The following SGTA variants were observed in gnomAD, a reference collection of about 807,000 sequenced individuals.
The protein encoded by SGTA is small glutamine-rich tetratricopeptide repeat-containing protein alpha.
In SGTA, 22 loss-of-function variants were observed where a neutral mutation model predicts 44.3. The ratio of observed to expected loss-of-function variants is 0.50; its 90% CI spans 0.36 to 0.71. The LOEUF (loss-of-function observed/expected upper bound fraction) is 0.71, where lower values mean the gene tolerates loss of function less well. Ranked by LOEUF, SGTA falls within the 30% of genes least tolerant of loss-of-function variation. The probability of loss-of-function intolerance (pLI) is 0.00; values close to 1 mark genes in which losing one functional copy is unlikely to be tolerated. For missense variants in SGTA, 341 were observed against 435.9 expected, an observed-to-expected ratio of 0.78 and a Z score of 1.94; for synonymous variants, 174 against 177.6, an observed-to-expected ratio of 0.98 and a Z score of 0.16.
Position 2,761,372 on chromosome 19 carries a change from G to A in SGTA, c.699+88C>T. ...CCAGAAGCCAGCAGTGCCAAGGCAA[G>A]GAAGCCCTGGCCAGTAGCGGACACA... On this transcript the variant is annotated intron_variant, in intron 8 of 11. Transcript: ENST00000221566. This position sits in a 1 kb window ranked among gnomAD's most constrained non-coding sequence, Gnocchi z 5.7. The A allele has an allele frequency of 8.1e-7, 1 of 1,231,174 alleles. No homozygotes were observed. The highest frequency in any genetic ancestry group is 1.2e-6 in the Non-Finnish European group (1 of 861,610). 76.3% of individuals were successfully genotyped at this position (1,231,174 alleles called of 1,614,324 possible).
At chr19:2,781,524 T>C (rs758868194) in intron 1 of SGTA, among the ~76,000 whole-genome samples, 3 of 151,934 alleles carry the variant, frequency 2.0e-5, no homozygotes, top group Non-Finnish European at 4.4e-5. Context: ...AGGCCAGAGG[T>C]GGATTTGGCC....
chr19:2,777,192 C>T (rs570511756), intron 1 of SGTA, among the ~76,000 whole-genome samples: 3 of 150,380 alleles, frequency 2.0e-5, no homozygotes, highest in Admixed American at 6.6e-5. Flanking sequence ...TGGAGGTTGC[C>T]GTGAGCCAAG....
rs138974981 is a variant in SGTA, at chr19:2,766,494, G to A, written c.292+642C>T. On this transcript the variant is annotated intron_variant, in intron 4 of 11. Coordinates refer to ENST00000221566, the MANE Select transcript of SGTA (RefSeq NM_003021.4). Reference sequence around the variant, plus strand: ...ATCGCCCAGGCTGGAGTGCAGTGGCGCGATCTGGACTCACTGCAACCTCCG... The same window carrying A: ...ATCGCCCAGGCTGGAGTGCAGTGGCACGATCTGGACTCACTGCAACCTCCG... 2.1e-4 allele frequency among the ~76,000 whole-genome samples: 32 copies of A among 151,774 alleles called. No individual in the cohort carries two copies. In the East Asian group the frequency reaches 3.5e-3, roughly 17 times the overall value.
Position 2,767,263 on chromosome 19 carries a change from A to G in SGTA, c.208-43T>C, listed in dbSNP as rs752692953. 5.4e-6 allele frequency: 8 copies of G among 1,479,432 alleles called. No individual in the cohort carries two copies. Among genetic ancestry groups the G allele is most frequent in the African/African-American group, 1.4e-5 (1 of 72,146 alleles). 91.6% of individuals were successfully genotyped at this position (1,479,432 alleles called of 1,614,324 possible). On this transcript the variant is annotated intron_variant, in intron 3 of 11. Coordinates refer to ENST00000221566, the MANE Select transcript of SGTA (RefSeq NM_003021.4). The surrounding 1 kb of genome is among the most constrained non-coding windows in gnomAD (Gnocchi z 7.3). ...GGCGGCCCGCTGTCCTCTCCTCCCA[A>G]CCTGGCACCCTCCGGCCTTAGCTTC...
chr19:2,766,435 TTTTTA>T (rs999800021), intron 4 of SGTA, among the ~76,000 whole-genome samples: 1 of 151,990 alleles, frequency 6.6e-6, no homozygotes, highest in Non-Finnish European at 1.5e-5. Flanking sequence ...TATTTTTTAT[TTTTTA>T]TTTTTTTTTG....
Position 2,761,457 on chromosome 19 carries a change from T to C in SGTA, c.699+3A>G. 1 of 1,551,386 alleles carries C rather than the reference T, an allele frequency of 6.4e-7. No homozygotes were observed. The highest frequency in any genetic ancestry group is 8.7e-7 in the Non-Finnish European group (1 of 1,146,818). On this transcript the variant is annotated splice_donor_region_variant and intron_variant, in intron 8 of 11. Transcript: ENST00000221566. The surrounding 1 kb of genome is among the most constrained non-coding windows in gnomAD (Gnocchi z 5.7). ...TGGACAGGGAGGAGGGGCGGGCCGT[T>C]ACCATGCTCATGAAGCCAGGGTTGT...
intron 1 of SGTA, among the ~76,000 whole-genome samples, chr19:2,779,205 T>G (rs191944020): frequency 7.6e-4 from 116 of 152,330 alleles, no homozygotes; most frequent in Non-Finnish European, 1.2e-3. Context: ...ATGACTTTGC[T>G]GTGAGCTTTC....
In SGTA at chr19:2,755,512, C is replaced by T. The variant is rs763461292; in HGVS notation, c.*428G>A. 27 of 986,480 alleles carry T rather than the reference C, an allele frequency of 2.7e-5. No individual in the cohort carries two copies. The highest frequency in any genetic ancestry group is 1.0e-4 in the African/African-American group (6 of 57,298). The allele number at this position is 986,480 out of a possible 1,614,324, so 61.1% of individuals were successfully genotyped here. ...GACTCGGAAAGAGGCTTCTCACAGA[C>T]GGGAGAGTTCCTGCAGACAGACCAC... is the stretch of plus-strand genomic sequence containing the variant. On this transcript the variant is annotated 3_prime_UTR_variant, in exon 12 of 12. Coordinates refer to ENST00000221566, the MANE Select transcript of SGTA (RefSeq NM_003021.4). This position sits in a 1 kb window ranked among gnomAD's most constrained non-coding sequence, Gnocchi z 5.2.
At chr19:2,764,806 T>TC (rs560554883) in intron 5 of SGTA, among the ~76,000 whole-genome samples, 4 of 151,206 alleles carry the variant, frequency 2.6e-5, no homozygotes, top group Non-Finnish European at 5.9e-5. Context: ...CCTCAAGTGA[T>TC]CCCCCCCGCC....
chr19:2,762,084 C>A (rs1469519362), intron 7 of SGTA, among the ~76,000 whole-genome samples: 1 of 152,136 alleles, frequency 6.6e-6, no homozygotes, highest in Non-Finnish European at 1.5e-5. Flanking sequence ...GAACCCACAC[C>A]CTCAGCACCT....
intron 1 of SGTA, among the ~76,000 whole-genome samples, chr19:2,774,017 A>G (rs1050267493): frequency 2.6e-5 from 4 of 151,644 alleles, no homozygotes; most frequent in African/African-American, 9.7e-5. Context: ...GCCACACGGC[A>G]GGGACACCAG....
Position 2,779,420 on chromosome 19 carries a change from A to G in SGTA, c.-24+3813T>C, listed in dbSNP as rs147934511. ...TGCTTCAACAGCCAGGCTTTCCCGT[A>G]AGAAAGTTTTCTGCTCTTCAGAGGG... On this transcript the variant is annotated intron_variant, in intron 1 of 11. Coordinates refer to ENST00000221566, the MANE Select transcript of SGTA (RefSeq NM_003021.4). 1.3e-3 allele frequency among the ~76,000 whole-genome samples: 192 copies of G among 152,286 alleles called. 1 individual carries two copies. Among genetic ancestry groups the G allele is most frequent in the Admixed American group, 0.012 (181 of 15,300 alleles).
rs367884625 is a variant in SGTA, at chr19:2,755,474, T to C, written c.*466A>G. Reference sequence around the variant, plus strand: ...CTTCCGAGCAGGCACAGGGCCGGGGTGGCCGGGAGGTCGACTCGGAAAGAG... The same window carrying C: ...CTTCCGAGCAGGCACAGGGCCGGGGCGGCCGGGAGGTCGACTCGGAAAGAG... On this transcript the variant is annotated 3_prime_UTR_variant, in exon 12 of 12. Coordinates refer to ENST00000221566, the MANE Select transcript of SGTA (RefSeq NM_003021.4). The surrounding 1 kb of genome is among the most constrained non-coding windows in gnomAD (Gnocchi z 5.2). The C allele has an allele frequency of 1.8e-3, 1,755 of 987,236 alleles. 25 individuals are homozygous for C. In the African/African-American group the frequency reaches 0.029, roughly 16 times the overall value. The allele number at this position is 987,236 out of a possible 1,614,324, so 61.2% of individuals were successfully genotyped here. A position where few individuals can be genotyped will look rare whatever the true frequency, so the allele number is the denominator to read the frequency against.
At chr19:2,776,099 T>G (rs543117580) in intron 1 of SGTA, among the ~76,000 whole-genome samples, 1 of 152,014 alleles carries the variant, frequency 6.6e-6, no homozygotes, top group Non-Finnish European at 1.5e-5. Flanking sequence ...CACCAGAAAG[T>G]GAAACCACAA....
At chr19:2,775,264 G>A (rs7247088) in intron 1 of SGTA, among the ~76,000 whole-genome samples, 3,371 of 152,320 alleles carry the variant, frequency 0.022, 104 homozygotes, top group African/African-American at 0.076. Flanking sequence ...GATCAGAGGC[G>A]TTCAGTGTCT....
chr19:2,770,993 G>A (rs1169768132), intron 1 of SGTA, among the ~76,000 whole-genome samples: 1 of 152,256 alleles, frequency 6.6e-6, no homozygotes, highest in Admixed American at 6.5e-5. Context: ...CTGTGAGCTC[G>A]GACGGGTTGT....
chr19:2,767,159 T>C lies in SGTA; in HGVS notation c.269A>G (p.Glu90Gly). Residue 90 changes from glutamate to glycine, a missense_variant, in exon 4 of 12, where the codon GAG (glutamate) becomes GGG (glycine). Glu to Gly is a moderately conservative substitution (Grantham distance 98, BLOSUM62 -2). Coordinates refer to ENST00000221566, the MANE Select transcript of SGTA (RefSeq NM_003021.4). The surrounding 1 kb of genome is among the most constrained non-coding windows in gnomAD (Gnocchi z 7.3). Reference sequence around the variant, plus strand: ...ACCTTCGGTTTTGAGGCGCTCTGCCTCTGCTGAGTCCTCCTCGGAAGGCGG... The same window carrying C: ...ACCTTCGGTTTTGAGGCGCTCTGCCCCTGCTGAGTCCTCCTCGGAAGGCGG... ...RTPPSEEDSA[E>G]AERLKTEGNE... 3 of 1,612,682 alleles carry C rather than the reference T, an allele frequency of 1.9e-6. No individual in the cohort carries two copies. The highest frequency in any genetic ancestry group is 2.5e-6 in the Non-Finnish European group (3 of 1,179,446).
At chr19:2,772,816 C>T (rs1915346170) in intron 1 of SGTA, among the ~76,000 whole-genome samples, 2 of 141,232 alleles carry the variant, frequency 1.4e-5, no homozygotes, top group African/African-American at 2.9e-5. Flanking sequence ...ATGGGTGACG[C>T]GGCCACAGGG....
At chr19:2,769,748 T>TC (rs1915247783) in intron 1 of SGTA, among the ~76,000 whole-genome samples, 1 of 37,504 alleles carries the variant, frequency 2.7e-5, no homozygotes, top group African/African-American at 1.1e-4. Context: ...CAGACCCCCC[T>TC]CTAGTTCCCC....
Sources: gnomAD v4.1 joint callset for allele counts (sites outside exome capture counted in the v4.1 genomes callset) on GRCh38, gnomAD v4.1.1 for gene constraint, Gnocchi (gnomAD v3.1) non-coding constraint, MANE v1.5 for transcripts, NCBI Gene and HGNC (gene_info 2026-07-23, HGNC 2026-07-21) for gene names.